DHRS11: variants seen among roughly 807,000 people sequenced by gnomAD.
DHRS11 encodes the protein dehydrogenase/reductase SDR family member 11.
A neutral mutation model predicts 30.7 loss-of-function variants in DHRS11; 18 were observed. That is an observed-to-expected ratio of 0.59 (90% CI 0.41 to 0.87). The LOEUF (loss-of-function observed/expected upper bound fraction) is 0.87, where lower values mean the gene tolerates loss of function less well. Among genes scored for constraint, DHRS11 ranks in the 40% least tolerant of loss-of-function variants. The pLI is 0.00. For synonymous variants in DHRS11, 123 were observed against 139.6 expected, an observed-to-expected ratio of 0.88 and a Z score of 0.84; for missense variants, 300 against 349.0, an observed-to-expected ratio of 0.86 and a Z score of 1.12.
intron 2 of DHRS11, chr17:36,597,453 G>A (rs149434024): frequency 1.9e-5 from 3 of 156,032 alleles, no homozygotes; most frequent in South Asian, 2.0e-4. Context: ...CAGCAGACAC[G>A]CCTTCAGACC....
intron 2 of DHRS11, chr17:36,596,162 A>ATT (rs34285767): frequency 6.8e-5 from 10 of 147,796 alleles, no homozygotes; most frequent in African/African-American, 1.0e-4. Flanking sequence ...ATTTGATGAA[A>ATT]TTTTTTTTTT....
Position 36,592,060 on chromosome 17 carries a change from G to C in DHRS11, c.51G>C (p.Thr17=), listed in dbSNP as rs963143057. ...ERWRDRLALV[T]GASGGIGAAV... is the part of the protein sequence containing the mutation. ...GGCGCGACCGGCTGGCGCTGGTGAC[G>C]GGGGCCTCGGGGGGCATCGGCGCGG... The change falls in exon 1 of 7, where the codon ACG becomes ACC. Residue 17 remains threonine (T), a synonymous_variant. Coordinates refer to ENST00000618403, the MANE Select transcript of DHRS11 (RefSeq NM_024308.4). The surrounding 1 kb of genome is among the most constrained non-coding windows in gnomAD (Gnocchi z 4.4). The C allele has an allele frequency of 2.4e-6, 3 of 1,236,250 alleles. No individual in the cohort carries two copies. The highest frequency in any genetic ancestry group is 3.0e-6 in the Non-Finnish European group (3 of 989,606). The allele number at this position is 1,236,250 out of a possible 1,614,324, so 76.6% of individuals were successfully genotyped here.
chr17:36,598,661 G>C (rs995960540), intron 3 of DHRS11: 17 of 534,686 alleles, frequency 3.2e-5, no homozygotes, highest in Non-Finnish European at 5.3e-5. Context: ...ATTAGATGGA[G>C]AGAATTCTGA....
chr17:36,600,594 TG>T lies in DHRS11; in HGVS notation c.*392del, dbSNP rs2074852436. The T allele has an allele frequency of 3.1e-6, 1 of 325,432 alleles. No homozygotes were observed. Among genetic ancestry groups the T allele is most frequent in the Admixed American group, 4.7e-5 (1 of 21,406 alleles). 20.2% of individuals were successfully genotyped at this position (325,432 alleles called of 1,614,324 possible). A position where few individuals can be genotyped will look rare whatever the true frequency, so the allele number is the denominator to read the frequency against. Reference sequence around the variant, plus strand: ...GGAGGCCTTCACCTTATATCTGTGTTGTTATCCAGGGCTCCAGACTTCCTCC... The same window carrying T: ...GGAGGCCTTCACCTTATATCTGTGTTTTATCCAGGGCTCCAGACTTCCTCC... On this transcript the variant is annotated 3_prime_UTR_variant, in exon 7 of 7. Coordinates refer to ENST00000618403, the MANE Select transcript of DHRS11 (RefSeq NM_024308.4).
chr17:36,595,385 C>A (rs1455828766), intron 2 of DHRS11, among the ~76,000 whole-genome samples: 1 of 127,828 alleles, frequency 7.8e-6, no homozygotes, highest in Non-Finnish European at 1.7e-5. Flanking sequence ...CAGCTCTTCT[C>A]TTCTTTGAGC....
intron 3 of DHRS11, 101 bp downstream of exon 3, chr17:36,598,358 T>C: frequency 1.9e-6 from 2 of 1,076,422 alleles, no homozygotes; most frequent in Non-Finnish European, 2.8e-6. Flanking sequence ...GGTGGGAAAA[T>C]ACAGATTTAA....
At chr17:36,593,275 C>T (rs2074783202) in intron 1 of DHRS11, among the ~76,000 whole-genome samples, 1 of 152,204 alleles carries the variant, frequency 6.6e-6, no homozygotes, top group Non-Finnish European at 1.5e-5. Flanking sequence ...CACTCAGTCC[C>T]AGGGTGACTC....
chr17:36,599,599 C>T (rs1213147270), intron 4 of DHRS11, 72 bp from the exon 5 acceptor site: 4 of 1,507,488 alleles, frequency 2.7e-6, no homozygotes, highest in Non-Finnish European at 3.7e-6. Context: ...CTGTGGCCTC[C>T]ATCCTCTCCC....
intron 6 of DHRS11, 33 bp downstream of exon 6, chr17:36,600,070 G>A (rs1327699336): frequency 1.2e-6 from 2 of 1,613,812 alleles, no homozygotes; most frequent in East Asian, 2.2e-5. Flanking sequence ...ACTCACTGGA[G>A]GAACCCAACC....
chr17:36,599,077 G>C, intron 4 of DHRS11, 27 bp downstream of exon 4: 1 of 1,605,110 alleles, frequency 6.2e-7, no homozygotes, highest in Non-Finnish European at 8.5e-7. Context: ...GCCCTGGTGG[G>C]CACAGGGTGG....
Position 36,600,261 on chromosome 17 carries a change from G to C in DHRS11, c.*58G>C, listed in dbSNP as rs1412180113. The stretch of plus-strand genomic sequence containing the variant: ...CTTCATGGCTTGCCTCCTGCCTCTG[G>C]ATTTTAGGTGTTGATTTCTGGATCA... On this transcript the variant is annotated 3_prime_UTR_variant, in exon 7 of 7. Transcript: ENST00000618403. 1 of 1,604,850 alleles carries C rather than the reference G, an allele frequency of 6.2e-7. No individual in the cohort carries two copies.
In DHRS11 at chr17:36,598,958, C is replaced by T; in HGVS notation, c.490C>T (p.His164Tyr). The T allele has an allele frequency of 6.2e-7, 1 of 1,613,606 alleles. No homozygotes were observed. Among genetic ancestry groups the T allele is most frequent in the Non-Finnish European group, 8.5e-7 (1 of 1,179,968 alleles). ...CCGAGTGTTACCCCTGTCTGTGACC[C>T]ACTTCTATAGTGCCACCAAGTATGC... The part of the protein sequence containing the change: ...GHRVLPLSVT[H>Y]FYSATKYAVT... Residue 164 changes from histidine (H) to tyrosine (Y), a missense_variant, in exon 4 of 7, where the codon CAC becomes TAC. By Grantham distance (83) the His-to-Tyr change is moderately conservative. Coordinates refer to ENST00000618403, the MANE Select transcript of DHRS11 (RefSeq NM_024308.4).
At chr17:36,596,162 A>AT (rs34285767) in intron 2 of DHRS11, 10,974 of 147,684 alleles carry the variant, frequency 0.074, 678 homozygotes, top group African/African-American at 0.17. Context: ...ATTTGATGAA[A>AT]TTTTTTTTTT....
chr17:36,599,870 A>G, intron 5 of DHRS11, 102 bp from the exon 6 acceptor site: 1 of 1,583,474 alleles, frequency 6.3e-7, no homozygotes, highest in Admixed American at 1.7e-5. Context: ...CTCCTCCTGG[A>G]GGGTTGGGGT....
At chr17:36,595,410 CTTTTTTTTT>C (rs34424724) in intron 2 of DHRS11, among the ~76,000 whole-genome samples, 8 of 51,640 alleles carry the variant, frequency 1.5e-4, no homozygotes, top group East Asian at 5.4e-4. Flanking sequence ...GGAGGTAGTT[CTTTTTTTTT>C]TTTTTTTTTT....
In DHRS11 at chr17:36,597,835, T is replaced by C. The variant is rs549542006; in HGVS notation, c.358-328T>C. ...AATGATTCCCTATGGAATTAGAGGG[T>C]CTGTGCTACTGTTCATAGAGGAGAT... is the stretch of plus-strand genomic sequence containing the variant. On this transcript the variant is annotated intron_variant, in intron 2 of 6. Transcript: ENST00000618403. The C allele has an allele frequency of 7.0e-5, 31 of 444,130 alleles. 1 individual carries two copies. The East Asian group carries it at 1.2e-3, about 17-fold the overall frequency. The allele number at this position is 444,130 out of a possible 1,614,324, so 27.5% of individuals were successfully genotyped here.
rs1005551 is a variant in DHRS11 at position 36,592,931 on chromosome 17, C to T, written c.147+775C>T. Among the ~76,000 whole-genome samples the T allele has an allele frequency of 0.3, 46,265 of 151,884 alleles. 8,431 individuals carry two copies. Among genetic ancestry groups the T allele is most frequent in the Non-Finnish European group, 0.41 (27,798 of 67,898 alleles). Reference sequence around the variant, plus strand: ...CTCCACCGTGCTCAAAGTCCTCAGGCAGGGAAAGGGTAAGGAGGCCTTGGG... The same window carrying T: ...CTCCACCGTGCTCAAAGTCCTCAGGTAGGGAAAGGGTAAGGAGGCCTTGGG... On this transcript the variant is annotated intron_variant, in intron 1 of 6. Coordinates refer to ENST00000618403, the MANE Select transcript of DHRS11 (RefSeq NM_024308.4). The surrounding 1 kb of genome is among the most constrained non-coding windows in gnomAD (Gnocchi z 4.4).
chr17:36,591,913 A>T lies in DHRS11; in HGVS notation c.-97A>T. 8.4e-7 allele frequency: 1 copy of T among 1,188,662 alleles called. No individual in the cohort carries two copies. Among genetic ancestry groups the T allele is most frequent in the Non-Finnish European group, 1.0e-6 (1 of 953,840 alleles). 73.6% of individuals were successfully genotyped at this position (1,188,662 alleles called of 1,614,324 possible). On this transcript the variant is annotated 5_prime_UTR_variant, in exon 1 of 7. Transcript: ENST00000618403. ...GTGGGTCTAGGCGCGGATCGGACCC[A>T]AGCAGGTCGGCGGCGGCGGCAGGAG... is the stretch of plus-strand genomic sequence containing the variant.
At chr17:36,599,629 G>A (rs375332600) in intron 4 of DHRS11, 42 bp from the exon 5 acceptor site, 217 of 1,608,396 alleles carry the variant, frequency 1.3e-4, no homozygotes, top group Non-Finnish European at 1.7e-4. Context: ...CCCAAGACCT[G>A]GCAAAGCTCA....
Sources: gnomAD v4.1 joint callset for allele counts (sites outside exome capture counted in the v4.1 genomes callset) on GRCh38, gnomAD v4.1.1 for gene constraint, Gnocchi (gnomAD v3.1) non-coding constraint, MANE v1.5 for transcripts, NCBI Gene and HGNC (gene_info 2026-07-23, HGNC 2026-07-21) for gene names.